Variants in PLA2G4D observed in about 807,000 individuals in gnomAD.
PLA2G4D encodes the protein phospholipase A2 group IVD.
PLA2G4D carries 80 observed loss-of-function variants against 94.4 expected under a neutral mutation model. The observed-to-expected ratio is 0.85, with a 90% CI of 0.71 to 1.02. The LOEUF (loss-of-function observed/expected upper bound fraction) is 1.02. PLA2G4D is among the 50% of genes least tolerant of loss of function. PLA2G4D has a pLI of 0.00. For synonymous variants in PLA2G4D, 438 were observed against 440.9 expected (o/e 0.99, Z 0.08); for missense variants, 1,050 against 1,034.7 (o/e 1.01, Z -0.20).
rs762698225 is a variant in PLA2G4D, at chr15:42,071,267, A to T, written c.1732T>A (p.Trp578Arg). 6.2e-7 allele frequency: 1 copy of T among 1,604,012 alleles called. No individual in the cohort carries two copies. Among genetic ancestry groups the T allele is most frequent in the East Asian group, 2.2e-5 (1 of 44,792 alleles). ...GCCAGCGCCGTGCCTGGCTGCAGCCACGAGGCCTCCAGCCGCGAGGAGGTC... is the reference window on the plus strand; with the variant it reads ...GCCAGCGCCGTGCCTGGCTGCAGCCTCGAGGCCTCCAGCCGCGAGGAGGTC... ...SGTSSRLEASWLQPGTALAQA... is the reference protein window; with the variant it reads ...SGTSSRLEASRLQPGTALAQA... The change falls in exon 17 of 20, where the codon TGG (tryptophan) becomes AGG (arginine). Residue 578 changes from tryptophan to arginine, a missense_variant. Trp to Arg is a moderately radical substitution (Grantham distance 101). Coordinates refer to ENST00000290472, the MANE Select transcript of PLA2G4D (RefSeq NM_178034.4).
At position 42,068,458 on chromosome 15, in the gene PLA2G4D, G is replaced by A. The variant is rs924783987; in HGVS notation, c.*257C>T. 7.8e-6 allele frequency: 4 copies of A among 513,482 alleles called. No individual in the cohort carries two copies. Among genetic ancestry groups the A allele is most frequent in the Non-Finnish European group, 1.4e-5 (4 of 284,456 alleles). The allele number at this position is 513,482 out of a possible 1,614,324, so 31.8% of individuals were successfully genotyped here. A position where few individuals can be genotyped will look rare whatever the true frequency, so the allele number is the denominator to read the frequency against. ...CTGCTCAGGCATGGAAGTAATTGTG[G>A]TGTGAAAGTCTGTCTGGTTGGACCA... On this transcript the variant is annotated 3_prime_UTR_variant, in exon 20 of 20. Coordinates refer to ENST00000290472, the MANE Select transcript of PLA2G4D (RefSeq NM_178034.4).
chr15:42,086,275 A>G lies in PLA2G4D; in HGVS notation c.325T>C (p.Tyr109His). 2 of 1,516,480 alleles carry G rather than the reference A, an allele frequency of 1.3e-6. No homozygotes were observed. Among genetic ancestry groups the G allele is most frequent in the Non-Finnish European group, 1.8e-6 (2 of 1,125,582 alleles). The allele number at this position is 1,516,480 out of a possible 1,614,324, so 93.9% of individuals were successfully genotyped here. ...CCAGGGAGGACTTCTGAGATGTCATAGAGAACCTTGAAGCAGATGTCATCC... is the reference window on the plus strand; with the variant it reads ...CCAGGGAGGACTTCTGAGATGTCATGGAGAACCTTGAAGCAGATGTCATCC... The part of the protein sequence containing the change: ...TEDDICFKVL[Y>H]DISEVLPGKL... Residue 109 changes from tyrosine to histidine, a missense_variant, in exon 4 of 20, where the codon TAT (tyrosine) becomes CAT (histidine). Tyr to His is a moderately conservative substitution (Grantham distance 83, BLOSUM62 2). Transcript: ENST00000290472.
intron 18 of PLA2G4D, 155 bp downstream of exon 18, chr15:42,070,561 CT>C: frequency 1.0e-6 from 1 of 983,420 alleles, no homozygotes; most frequent in African/African-American, 1.6e-5. Flanking sequence ...GCCTTCCCAC[CT>C]AAGGACCCTG....
At chr15:42,081,297 G>A (rs971985812) in intron 11 of PLA2G4D, among the ~76,000 whole-genome samples, 164 bp from the exon 12 acceptor site, 1 of 152,218 alleles carries the variant, frequency 6.6e-6, no homozygotes, top group South Asian at 2.1e-4. Context: ...TGGAAGCAAT[G>A]GCTCTCAGCT....
Position 42,071,877 on chromosome 15 carries a change from G to A in PLA2G4D, c.1470C>T (p.Phe490=). ...WVEFSPYEVG[F]LKYGAFVPPE... Reference sequence around the variant, plus strand: ...GAGGGACGAAGGCCCCGTACTTCAGGAAACCGACCTCATAGGGGGAGAACT... The same window carrying A: ...GAGGGACGAAGGCCCCGTACTTCAGAAAACCGACCTCATAGGGGGAGAACT... Residue 490 remains phenylalanine, a synonymous_variant, in exon 15 of 20, where the codon TTC becomes TTT. Coordinates refer to ENST00000290472, the MANE Select transcript of PLA2G4D (RefSeq NM_178034.4). 6.2e-7 allele frequency: 1 copy of A among 1,614,184 alleles called. No individual in the cohort carries two copies. The highest frequency in any genetic ancestry group is 1.7e-5 in the Admixed American group (1 of 60,028).
At position 42,070,876 on chromosome 15, in the gene PLA2G4D, C is replaced by G; in HGVS notation, c.1884G>C (p.Gln628His). The change falls in exon 18 of 20, where the codon CAG (glutamine) becomes CAC (histidine). Residue 628 changes from glutamine to histidine, a missense_variant. Transcript: ENST00000290472. ...TCAGCTGGCTGGGCATGGAGTCAAG[C>G]TGGTAGTCTGGTGGGAATCGCAGGA... ...HKDFSTWADY[Q>H]LDSMPSQLTP... 6.2e-7 allele frequency: 1 copy of G among 1,611,248 alleles called. No homozygotes were observed. The highest frequency in any genetic ancestry group is 2.2e-5 in the East Asian group (1 of 44,824).
At chr15:42,079,868 A>G in intron 12 of PLA2G4D, 109 bp from the exon 13 acceptor site, 1 of 1,032,064 alleles carries the variant, frequency 9.7e-7, no homozygotes. Context: ...CCTGCCACCA[A>G]GGCTCTGCCG....
Position 42,070,766 on chromosome 15 carries a change from C to A in PLA2G4D, c.1994G>T (p.Arg665Met). ...GTCGAAGGAGAGGATGAGGTCCAGC[C>A]TGCGGCCTGGCCGGAACATGGAGGG... is the stretch of plus-strand genomic sequence containing the variant. ...SSPSMFRPGR[R>M]LDLILSFDYS... is the part of the protein sequence containing the mutation. Residue 665 changes from arginine to methionine, a missense_variant, in exon 18 of 20, where the codon AGG (arginine) becomes ATG (methionine). Coordinates refer to ENST00000290472, the MANE Select transcript of PLA2G4D (RefSeq NM_178034.4). 2 of 1,588,026 alleles carry A rather than the reference C, an allele frequency of 1.3e-6. No individual in the cohort carries two copies. Among genetic ancestry groups the A allele is most frequent in the East Asian group, 2.3e-5 (1 of 43,912 alleles).
Position 42,067,607 on chromosome 15 carries a change from A to G in PLA2G4D, c.*1108T>C, listed in dbSNP as rs1889711392. 1 of 152,114 alleles carries G rather than the reference A, an allele frequency of 6.6e-6. No individual in the cohort carries two copies. Among genetic ancestry groups the G allele is most frequent in the Admixed American group, 6.5e-5 (1 of 15,282 alleles). 9.4% of individuals were successfully genotyped at this position (152,114 alleles called of 1,614,324 possible). On this transcript the variant is annotated 3_prime_UTR_variant, in exon 20 of 20. Transcript: ENST00000290472. ...GCCAGCAATAAACAAAAAGGTTTAT[A>G]TACCATAATCAAATGGAAACTGCCC...
chr15:42,091,795 T>C (rs995372377), intron 1 of PLA2G4D, among the ~76,000 whole-genome samples: 2 of 149,854 alleles, frequency 1.3e-5, no homozygotes, highest in African/African-American at 4.9e-5. Context: ...AAAGTACTAA[T>C]AGTCTCTGAT....
intron 12 of PLA2G4D, among the ~76,000 whole-genome samples, chr15:42,080,025 T>C (rs1052873533): frequency 1.3e-5 from 2 of 152,272 alleles, no homozygotes; most frequent in Non-Finnish European, 2.9e-5. Context: ...TTTTAATATT[T>C]TATTTAATTC....
At chr15:42,091,638 G>A (rs1890247592) in intron 1 of PLA2G4D, among the ~76,000 whole-genome samples, 1 of 151,902 alleles carries the variant, frequency 6.6e-6, no homozygotes, top group Non-Finnish European at 1.5e-5. Flanking sequence ...TCTCGTGGAG[G>A]GCCTGACGTT....
intron 15 of PLA2G4D, 73 bp downstream of exon 15, chr15:42,071,701 G>A: frequency 6.6e-7 from 1 of 1,522,610 alleles, no homozygotes; most frequent in South Asian, 1.2e-5. Flanking sequence ...TGCCCCACCT[G>A]AGCTACAGGA....
At position 42,086,250 on chromosome 15, in the gene PLA2G4D, C is replaced by T. The variant is rs936347833; in HGVS notation, c.350G>A (p.Gly117Asp). The change falls in exon 4 of 20, where the codon GGC (glycine) becomes GAC (aspartate). Residue 117 changes from glycine (G) to aspartate (D), a missense_variant. Gly to Asp is a moderately conservative substitution (Grantham distance 94). Coordinates refer to ENST00000290472, the MANE Select transcript of PLA2G4D (RefSeq NM_178034.4). ...GGAGAAGGTTTTCCGGAGCAGCTTG[C>T]CAGGGAGGACTTCTGAGATGTCATA... ...VLYDISEVLP[G>D]KLLRKTFSQS... is the part of the protein sequence containing the mutation. The T allele has an allele frequency of 7.3e-7, 1 of 1,373,194 alleles. No homozygotes were observed. The highest frequency in any genetic ancestry group is 1.1e-5 in the South Asian group (1 of 87,784). 85.1% of individuals were successfully genotyped at this position (1,373,194 alleles called of 1,614,324 possible).
In PLA2G4D at chr15:42,087,371, T is replaced by C. The variant is rs530970409; in HGVS notation, c.184A>G (p.Lys62Glu). Residue 62 changes from lysine (K) to glutamate (E), a missense_variant, in exon 3 of 20, where the codon AAG becomes GAG. Transcript: ENST00000290472. ...GGATGACTGGTGTCGGTGAGCGTCTTGGTCTTAAACTTCATTCCAGGTGCG... is the reference window on the plus strand; with the variant it reads ...GGATGACTGGTGTCGGTGAGCGTCTCGGTCTTAAACTTCATTCCAGGTGCG... ...STAPGMKFKT[K>E]TLTDTSHPVW... is the part of the protein sequence containing the mutation. The C allele has an allele frequency of 6.2e-7, 1 of 1,614,140 alleles. No homozygotes were observed. Among genetic ancestry groups the C allele is most frequent in the South Asian group, 1.1e-5 (1 of 91,082 alleles).
intron 5 of PLA2G4D, 144 bp from the exon 6 acceptor site, chr15:42,085,282 A>T: frequency 9.3e-7 from 1 of 1,079,438 alleles, no homozygotes. Context: ...TTGCAGGAGG[A>T]GAGGGGAGGG....
rs923549269 is a variant in PLA2G4D at position 42,087,567 on chromosome 15, G to A, written c.118+61C>T. 4 of 1,609,760 alleles carry A rather than the reference G, an allele frequency of 2.5e-6. No homozygotes were observed. The East Asian group carries it at 8.9e-5, about 36-fold the overall frequency. ...GCCCAGCCCCAGGGCACTCGTCTTG[G>A]CCCTTCCTATGGGATCTGGTCCTCC... On this transcript the variant is annotated intron_variant, in intron 2 of 19. Transcript: ENST00000290472.
intron 18 of PLA2G4D, 52 bp from the exon 19 acceptor site, chr15:42,070,147 T>C: frequency 2.8e-6 from 4 of 1,418,690 alleles, no homozygotes; most frequent in Non-Finnish European, 3.7e-6. Context: ...AGGTCAATGC[T>C]GGGCCAGTTC....
chr15:42,078,051 T>G (rs927122527), intron 13 of PLA2G4D, among the ~76,000 whole-genome samples: 3 of 152,234 alleles, frequency 2.0e-5, no homozygotes, highest in African/African-American at 7.2e-5. Context: ...ACTCCTTAAT[T>G]TGCATGTAAT....
Sources: allele counts gnomAD v4.1 joint callset (sites outside exome capture counted in the v4.1 genomes callset), GRCh38; gene constraint gnomAD v4.1.1; transcripts MANE v1.5; gene names NCBI Gene and HGNC (gene_info 2026-07-23, HGNC 2026-07-21).